The following ASIC2 variants were observed in gnomAD, a reference collection of about 807,000 sequenced individuals.
ASIC2 encodes the protein acid sensing ion channel subunit 2.
In ASIC2, 25 loss-of-function variants were observed where a neutral mutation model predicts 57.3. The observed-to-expected ratio is 0.44, with a 90% confidence interval of 0.32 to 0.61. The LOEUF is 0.61. Ranked by LOEUF, ASIC2 falls within the 20% of genes least tolerant of loss-of-function variation. The pLI, the probability that ASIC2 is intolerant of heterozygous loss-of-function variation, is 0.06. For missense variants in ASIC2, 641 were observed against 738.1 expected, an observed-to-expected ratio of 0.87 and a Z score of 1.52; for synonymous variants, 319 against 307.5, an observed-to-expected ratio of 1.04 and a Z score of -0.39.
chr17:33,830,719 C>G (rs1320690893), intron 1 of ASIC2, among the ~76,000 whole-genome samples: 2 of 152,000 alleles, frequency 1.3e-5, no homozygotes, highest in South Asian at 2.1e-4. Flanking sequence ...CCCCTTGCCC[C>G]CTACCCTCCG....
chr17:33,470,746 A>C (rs1445598479), intron 1 of ASIC2, among the ~76,000 whole-genome samples: 1 of 152,156 alleles, frequency 6.6e-6, no homozygotes, highest in African/African-American at 2.4e-5. Context: ...AATCACACAC[A>C]CCCAATCACC....
chr17:33,797,122 C>G (rs188677507), intron 1 of ASIC2, among the ~76,000 whole-genome samples: 2 of 152,126 alleles, frequency 1.3e-5, no homozygotes, highest in Admixed American at 6.6e-5. Flanking sequence ...TGACGCAGTG[C>G]CCAGTACATC....
chr17:33,443,695 C>T (rs1911913129), intron 1 of ASIC2, among the ~76,000 whole-genome samples: 2 of 151,690 alleles, frequency 1.3e-5, no homozygotes, highest in African/African-American at 4.8e-5. Flanking sequence ...GGATTACAGG[C>T]GTGAGCCACC....
chr17:33,406,692 G>A (rs1910487091), intron 1 of ASIC2, among the ~76,000 whole-genome samples: 1 of 152,232 alleles, frequency 6.6e-6, no homozygotes, highest in African/African-American at 2.4e-5. Context: ...TAAGGGCTAT[G>A]CAAGCATTTG....
intron 1 of ASIC2, among the ~76,000 whole-genome samples, chr17:33,515,800 C>T (rs1914547989): frequency 6.6e-6 from 1 of 152,122 alleles, no homozygotes; most frequent in African/African-American, 2.4e-5. Flanking sequence ...CCGTCCTGTT[C>T]TGAAGAATGC....
At chr17:33,391,492 C>A (rs577582779) in intron 1 of ASIC2, among the ~76,000 whole-genome samples, 4 of 152,164 alleles carry the variant, frequency 2.6e-5, no homozygotes, top group African/African-American at 9.7e-5. Context: ...CTGCACTAAG[C>A]AAAAAGTTTT....
intron 1 of ASIC2, among the ~76,000 whole-genome samples, chr17:33,951,996 G>A (rs1475313390): frequency 6.6e-6 from 1 of 152,178 alleles, no homozygotes; most frequent in East Asian, 1.9e-4. Context: ...TCAATTTGTG[G>A]AATTCTATTA....
At chr17:34,074,675 G>T (rs144408382) in intron 1 of ASIC2, among the ~76,000 whole-genome samples, 1 of 152,142 alleles carries the variant, frequency 6.6e-6, no homozygotes, top group East Asian at 1.9e-4. Flanking sequence ...TAGGAAGGCA[G>T]CATTACGTGT....
chr17:33,371,959 A>T (rs1270363243), intron 1 of ASIC2, among the ~76,000 whole-genome samples: 4 of 152,144 alleles, frequency 2.6e-5, no homozygotes, highest in Non-Finnish European at 5.9e-5. Context: ...TCACCACGTC[A>T]TCCCAGGTGG....
chr17:33,652,472 G>C (rs1906951404), intron 1 of ASIC2, among the ~76,000 whole-genome samples: 1 of 152,224 alleles, frequency 6.6e-6, no homozygotes, highest in African/African-American at 2.4e-5. Flanking sequence ...TCTGTGGGCA[G>C]GTTCCAGTAT....
At position 33,014,012 on chromosome 17, in the gene ASIC2, C is replaced by T. The variant is rs747699019; in HGVS notation, c.1645G>A (p.Val549Met). The change falls in exon 10 of 10, where the codon GTG becomes ATG. Residue 549 changes from valine to methionine, a missense_variant. Coordinates refer to ENST00000225823, the MANE Select transcript of ASIC2 (RefSeq NM_183377.2). ...GTCCCCAGGGTCGTCTGCAGGGGCA[C>T]GTTCACAGTGTGACTGATGGTTTCA... is the stretch of plus-strand genomic sequence containing the variant. Reference protein sequence around the residue: ...HSETISHTVNVPLQTTLGTLE... With the variant: ...HSETISHTVNMPLQTTLGTLE... The T allele has an allele frequency of 1.3e-5, 21 of 1,605,246 alleles. No individual in the cohort carries two copies. The East Asian group carries it at 1.6e-4, about 12-fold the overall frequency.
At chr17:34,137,895 C>T (rs890797420) in intron 1 of ASIC2, among the ~76,000 whole-genome samples, 1 of 152,160 alleles carries the variant, frequency 6.6e-6, no homozygotes, top group Non-Finnish European at 1.5e-5. Context: ...TCATCTCCCA[C>T]AGGCCCTACC....
chr17:33,596,644 A>G (rs1379976013), intron 1 of ASIC2, among the ~76,000 whole-genome samples: 1 of 152,046 alleles, frequency 6.6e-6, no homozygotes, highest in Non-Finnish European at 1.5e-5. Context: ...AGGAGACAAG[A>G]TTTCAAAGAT....
chr17:33,554,139 C>T (rs898278875), intron 1 of ASIC2, among the ~76,000 whole-genome samples: 6 of 152,270 alleles, frequency 3.9e-5, no homozygotes, highest in East Asian at 3.9e-4. Context: ...GCAAATTGGT[C>T]GGTGATGTTT....
chr17:33,805,285 A>G (rs1912237782), intron 1 of ASIC2, among the ~76,000 whole-genome samples: 1 of 152,184 alleles, frequency 6.6e-6, no homozygotes, highest in South Asian at 2.1e-4. Context: ...GAGTTCTGCC[A>G]TGTCTGTTGA....
intron 1 of ASIC2, among the ~76,000 whole-genome samples, chr17:33,430,562 G>T (rs1198015075): frequency 6.6e-6 from 1 of 152,132 alleles, no homozygotes; most frequent in Non-Finnish European, 1.5e-5. Context: ...AATGTCAAGT[G>T]GTCAGTGAAG....
chr17:33,229,476 TGTTTCCA>T (rs2142105900), intron 1 of ASIC2, among the ~76,000 whole-genome samples: 1 of 152,244 alleles, frequency 6.6e-6, no homozygotes, highest in African/African-American at 2.4e-5. Flanking sequence ...GGAGGGCAAG[TGTTTCCA>T]CCTGTGGGAG....
chr17:33,873,654 C>G (rs573186202), intron 1 of ASIC2, among the ~76,000 whole-genome samples: 1 of 152,136 alleles, frequency 6.6e-6, no homozygotes, highest in Admixed American at 6.5e-5. Flanking sequence ...AAGATTAAAA[C>G]GGGGTAATAC....
intron 1 of ASIC2, among the ~76,000 whole-genome samples, chr17:33,367,430 T>A (rs1908855318): frequency 6.6e-6 from 1 of 152,194 alleles, no homozygotes; most frequent in Admixed American, 6.5e-5. Context: ...CCACTGCTTC[T>A]CTCTGTAAAA....
Sources: gnomAD v4.1 joint callset for allele counts (sites outside exome capture counted in the v4.1 genomes callset) on GRCh38, gnomAD v4.1.1 for gene constraint, MANE v1.5 for transcripts, NCBI Gene and HGNC (gene_info 2026-07-23, HGNC 2026-07-21) for gene names.